Variants in ALCAM observed in about 807,000 individuals in gnomAD.
ALCAM encodes CD166 antigen.
A neutral mutation model predicts 70.9 loss-of-function variants in ALCAM; 30 were observed. The observed-to-expected ratio is 0.42, with a 90% CI of 0.32 to 0.57. ALCAM has a LOEUF of 0.57. ALCAM is among the 20% of genes least tolerant of loss of function. The pLI is 0.11. For synonymous variants in ALCAM, 249 were observed against 242.5 expected, an observed-to-expected ratio of 1.03 and a Z score of -0.25; for missense variants, 591 against 695.1, an observed-to-expected ratio of 0.85 and a Z score of 1.68.
At chr3:105,505,587 A>C (rs1161635522) in intron 1 of ALCAM, among the ~76,000 whole-genome samples, 1 of 152,212 alleles carries the variant, frequency 6.6e-6, no homozygotes, top group Non-Finnish European at 1.5e-5. Context: ...TTAGCCAATC[A>C]ATAGCTTTAT....
At chr3:105,536,082 ATTCT>A (rs1939960785) in intron 6 of ALCAM, among the ~76,000 whole-genome samples, 2 of 150,542 alleles carry the variant, frequency 1.3e-5, no homozygotes, top group African/African-American at 4.9e-5. Flanking sequence ...TGAAGGCAGA[ATTCT>A]TTCTTTCTTT....
intron 1 of ALCAM, among the ~76,000 whole-genome samples, chr3:105,469,079 A>G (rs1191099532): frequency 6.6e-6 from 1 of 151,210 alleles, no homozygotes; most frequent in Non-Finnish European, 1.5e-5. Context: ...CTGCTTCTTC[A>G]TATGTGTATC....
chr3:105,556,047 A>G (rs560973588), intron 14 of ALCAM, among the ~76,000 whole-genome samples: 1 of 152,106 alleles, frequency 6.6e-6, no homozygotes, highest in African/African-American at 2.4e-5. Flanking sequence ...AGAACTAGAG[A>G]TATTTCAGTG....
chr3:105,484,556 T>C (rs778796440), intron 1 of ALCAM, among the ~76,000 whole-genome samples: 8 of 152,070 alleles, frequency 5.3e-5, no homozygotes, highest in Non-Finnish European at 7.4e-5. Flanking sequence ...ACACACCTAA[T>C]TGAAAAATAT....
chr3:105,508,717 A>AT (rs1316185661), intron 1 of ALCAM, among the ~76,000 whole-genome samples: 5 of 152,116 alleles, frequency 3.3e-5, no homozygotes, highest in African/African-American at 4.8e-5. Context: ...CATAGTTATC[A>AT]TTTTTTGTGT....
intron 1 of ALCAM, among the ~76,000 whole-genome samples, chr3:105,450,622 G>C (rs1251162863): frequency 6.6e-6 from 1 of 152,128 alleles, no homozygotes. Flanking sequence ...TCATATACTT[G>C]AGTACTTTTA....
At chr3:105,519,865 G>A (rs1939483909) in intron 1 of ALCAM, among the ~76,000 whole-genome samples, 1 of 152,148 alleles carries the variant, frequency 6.6e-6, no homozygotes, top group South Asian at 2.1e-4. Flanking sequence ...CAAACATTCA[G>A]TAGCTAAATA....
At chr3:105,429,967 A>T (rs1216950075) in intron 1 of ALCAM, among the ~76,000 whole-genome samples, 1 of 151,992 alleles carries the variant, frequency 6.6e-6, no homozygotes, top group Non-Finnish European at 1.5e-5. Flanking sequence ...AAACAAACAA[A>T]TTAATAATAC....
intron 1 of ALCAM, among the ~76,000 whole-genome samples, chr3:105,392,015 G>C (rs114671050): frequency 6.6e-6 from 1 of 152,044 alleles, no homozygotes; most frequent in East Asian, 1.9e-4. Context: ...GTTCTTCAGG[G>C]ATATTGGCCT....
intron 1 of ALCAM, among the ~76,000 whole-genome samples, chr3:105,456,492 C>G (rs1278432298): frequency 1.3e-5 from 2 of 152,012 alleles, no homozygotes; most frequent in Non-Finnish European, 1.5e-5. Flanking sequence ...TATGTATTCC[C>G]AGAAAAAAAT....
intron 1 of ALCAM, among the ~76,000 whole-genome samples, chr3:105,441,634 A>G (rs1042263180): frequency 6.6e-6 from 1 of 152,226 alleles, no homozygotes; most frequent in African/African-American, 2.4e-5. Flanking sequence ...CCTGTAATCA[A>G]TAAGTGAAAT....
intron 14 of ALCAM, among the ~76,000 whole-genome samples, chr3:105,560,019 A>C (rs1038151287): frequency 6.6e-6 from 1 of 152,190 alleles, no homozygotes; most frequent in Non-Finnish European, 1.5e-5. Flanking sequence ...GGCTAAAATA[A>C]ACATTTTTAT....
chr3:105,526,421 G>C (rs1939707429), intron 3 of ALCAM, among the ~76,000 whole-genome samples: 1 of 151,888 alleles, frequency 6.6e-6, no homozygotes, highest in South Asian at 2.1e-4. Flanking sequence ...CAGCTGATTT[G>C]GAATACAGGG....
chr3:105,508,335 C>T (rs536565359), intron 1 of ALCAM, among the ~76,000 whole-genome samples: 216 of 152,160 alleles, frequency 1.4e-3, no homozygotes, highest in Non-Finnish European at 2.5e-3. Context: ...GCTGAGAATT[C>T]ATTTTGAGCT....
chr3:105,547,755 AG>A, intron 11 of ALCAM, among the ~76,000 whole-genome samples: 1 of 151,466 alleles, frequency 6.6e-6, no homozygotes, highest in Non-Finnish European at 1.5e-5. Context: ...GCCATGGAGA[AG>A]GGAAGAACCA....
chr3:105,536,031 T>A (rs1017405659), intron 6 of ALCAM, among the ~76,000 whole-genome samples: 41 of 152,214 alleles, frequency 2.7e-4, no homozygotes, highest in African/African-American at 9.9e-4. Context: ...GAAATTAATA[T>A]TTCATTATGT....
At chr3:105,400,936 A>T (rs1227297705) in intron 1 of ALCAM, among the ~76,000 whole-genome samples, 2 of 152,236 alleles carry the variant, frequency 1.3e-5, no homozygotes, top group South Asian at 4.1e-4. Flanking sequence ...ATTAAATTTT[A>T]AAAATGTGTA....
chr3:105,435,327 A>G (rs533619212), intron 1 of ALCAM, among the ~76,000 whole-genome samples: 58 of 152,372 alleles, frequency 3.8e-4, no homozygotes, highest in Middle Eastern at 6.8e-3. Context: ...ACAGTAAAAT[A>G]AAATCCACTC....
intron 1 of ALCAM, among the ~76,000 whole-genome samples, chr3:105,505,585 T>C (rs1254183358): frequency 2.0e-5 from 3 of 152,174 alleles, no homozygotes; most frequent in Non-Finnish European, 2.9e-5. Flanking sequence ...TTTTAGCCAA[T>C]CAATAGCTTT....
Sources: gnomAD v4.1 joint callset for allele counts (sites outside exome capture counted in the v4.1 genomes callset) on GRCh38, gnomAD v4.1.1 for gene constraint, MANE v1.5 for transcripts, NCBI Gene and HGNC (gene_info 2026-07-23, HGNC 2026-07-21) for gene names.